ANO6: variants seen among roughly 807,000 people sequenced by gnomAD.
ANO6 encodes the protein anoctamin-6.
A neutral mutation model predicts 117.5 loss-of-function variants in ANO6; 106 were observed. The ratio of observed to expected loss-of-function variants is 0.90; its 90% CI spans 0.77 to 1.06. The LOEUF is 1.06. ANO6 is among the 50% of genes least tolerant of loss of function. ANO6 has a pLI of 0.00. For missense variants in ANO6, 955 were observed against 1,121.1 expected (o/e 0.85, Z 2.12); for synonymous variants, 367 against 385.1 (o/e 0.95, Z 0.55).
intron 2 of ANO6, among the ~76,000 whole-genome samples, chr12:45,303,718 A>T (rs1167058046): frequency 6.6e-6 from 1 of 152,164 alleles, no homozygotes; most frequent in Admixed American, 6.6e-5. Flanking sequence ...TCAAAGTGGA[A>T]GAAGACAGCT....
intron 12 of ANO6, among the ~76,000 whole-genome samples, chr12:45,400,734 A>T (rs1047977540): frequency 1.3e-5 from 2 of 152,148 alleles, no homozygotes; most frequent in Non-Finnish European, 2.9e-5. Context: ...CCATCCTGTA[A>T]TCACTCCCTT....
intron 1 of ANO6, among the ~76,000 whole-genome samples, chr12:45,248,466 C>T (rs1273757710): frequency 7.3e-6 from 1 of 136,272 alleles, no homozygotes; most frequent in Non-Finnish European, 1.5e-5. Context: ...CAGAGTTGCT[C>T]TCTGTCGCCC....
downstream of ANO6, among the ~76,000 whole-genome samples, chr12:45,437,277 G>A (rs774576137): frequency 1.7e-4 from 26 of 152,280 alleles, no homozygotes; most frequent in Non-Finnish European, 3.2e-4. Context: ...GAGGCTCCAT[G>A]ACATGGAACA....
chr12:45,406,031 G>A (rs1368218297), intron 15 of ANO6, among the ~76,000 whole-genome samples: 1 of 152,142 alleles, frequency 6.6e-6, no homozygotes, highest in Non-Finnish European at 1.5e-5. Context: ...TGTGTCAAGA[G>A]AAACATGGAG....
In ANO6 at chr12:45,357,310, TTGG is replaced by T; in HGVS notation, c.885_887del (p.Gly296del). The T allele has an allele frequency of 1.9e-6, 3 of 1,613,922 alleles. No individual in the cohort carries two copies. Among genetic ancestry groups the T allele is most frequent in the Non-Finnish European group, 2.5e-6 (3 of 1,179,960 alleles). Reference sequence around the variant, plus strand: ...TTCAGGAAATACTATGGAGAGAAGATTGGAATCTACTTTGCTTGGCTGGGCTAT... The same window carrying T: ...TTCAGGAAATACTATGGAGAGAAGATAATCTACTTTGCTTGGCTGGGCTAT... On this transcript the variant is annotated inframe_deletion, in exon 8 of 20. Transcript: ENST00000320560.
chr12:45,282,868 AAT>A (rs879704397), intron 1 of ANO6, among the ~76,000 whole-genome samples: 2 of 152,220 alleles, frequency 1.3e-5, no homozygotes, highest in Non-Finnish European at 2.9e-5. Flanking sequence ...AGCCACTGTT[AAT>A]AGTTTGAGGT....
chr12:45,392,618 T>C (rs1942485220), intron 12 of ANO6, among the ~76,000 whole-genome samples: 1 of 152,106 alleles, frequency 6.6e-6, no homozygotes, highest in Non-Finnish European at 1.5e-5. Context: ...ACACCTCATA[T>C]AGGGTGCTAC....
At chr12:45,300,553 T>C (rs1939448859) in intron 1 of ANO6, among the ~76,000 whole-genome samples, 2 of 152,212 alleles carry the variant, frequency 1.3e-5, no homozygotes, top group African/African-American at 4.8e-5. Flanking sequence ...CCTTTATAAC[T>C]GGTTTGTCCA....
At chr12:45,320,209 T>A (rs187548284) in intron 2 of ANO6, among the ~76,000 whole-genome samples, 1 of 152,216 alleles carries the variant, frequency 6.6e-6, no homozygotes, top group Non-Finnish European at 1.5e-5. Flanking sequence ...AATTGTGATG[T>A]TAGGGTATCA....
chr12:45,330,329 TAATG>T (rs750961710), intron 2 of ANO6, among the ~76,000 whole-genome samples: 12 of 152,162 alleles, frequency 7.9e-5, no homozygotes, highest in Non-Finnish European at 1.3e-4. Context: ...TGCTAATCGA[TAATG>T]AAGAGGAGAA....
At chr12:45,357,911 T>C (rs1941455208) in intron 8 of ANO6, among the ~76,000 whole-genome samples, 1 of 152,244 alleles carries the variant, frequency 6.6e-6, no homozygotes, top group Non-Finnish European at 1.5e-5. Flanking sequence ...TTTTGGTTTT[T>C]ACATTAAAAA....
chr12:45,316,936 A>G (rs1027425729), intron 2 of ANO6, among the ~76,000 whole-genome samples: 11 of 150,074 alleles, frequency 7.3e-5, no homozygotes, highest in African/African-American at 2.7e-4. Context: ...TATCTACTAT[A>G]TTAGAACTTA....
intron 19 of ANO6, among the ~76,000 whole-genome samples, chr12:45,426,334 T>A (rs1477461174): frequency 1.3e-5 from 2 of 152,208 alleles, no homozygotes; most frequent in Non-Finnish European, 2.9e-5. Context: ...CTTTACTATA[T>A]AATTTCCATT....
intron 3 of ANO6, among the ~76,000 whole-genome samples, chr12:45,334,946 C>T (rs2137412275): frequency 6.6e-6 from 1 of 152,048 alleles, no homozygotes; most frequent in South Asian, 2.1e-4. Flanking sequence ...TGCTTGCCTT[C>T]AAACCGATGT....
At chr12:45,367,833 A>AT (rs748369328) in intron 9 of ANO6, 40 bp downstream of exon 9, 24 of 1,431,978 alleles carry the variant, frequency 1.7e-5, no homozygotes, top group African/African-American at 5.6e-5. Context: ...CTAATGAAAG[A>AT]TTTTTTTTCT....
At chr12:45,361,734 C>A (rs1941560661) in intron 8 of ANO6, among the ~76,000 whole-genome samples, 1 of 151,990 alleles carries the variant, frequency 6.6e-6, no homozygotes, top group African/African-American at 2.4e-5. Flanking sequence ...CTTTCTGTGT[C>A]TATTGACATT....
At chr12:45,434,272 G>A (rs1292913045), downstream of ANO6, among the ~76,000 whole-genome samples, 1 of 152,128 alleles carries the variant, frequency 6.6e-6, no homozygotes, top group African/African-American at 2.4e-5. Context: ...TCTTGTCATT[G>A]TCGCTTGAGG....
intron 8 of ANO6, among the ~76,000 whole-genome samples, chr12:45,365,368 T>C (rs966358128): frequency 1.3e-5 from 2 of 152,204 alleles, no homozygotes; most frequent in Non-Finnish European, 2.9e-5. Flanking sequence ...GCACATCTCA[T>C]TTCCTAATTT....
At chr12:45,435,871 A>C (rs1373193785), downstream of ANO6, among the ~76,000 whole-genome samples, 1 of 152,198 alleles carries the variant, frequency 6.6e-6, no homozygotes, top group Non-Finnish European at 1.5e-5. Context: ...CAGCTTCATA[A>C]ATTTTAGCAA....
Sources: allele counts gnomAD v4.1 joint callset (sites outside exome capture counted in the v4.1 genomes callset), GRCh38; gene constraint gnomAD v4.1.1; transcripts MANE v1.5; gene names NCBI Gene and HGNC (gene_info 2026-07-23, HGNC 2026-07-21).